FHIP1A: variants seen among roughly 807,000 people sequenced by gnomAD.
The protein encoded by FHIP1A is FHF complex subunit HOOK-interacting protein 1A.
FHIP1A carries 61 observed loss-of-function variants against 88.6 expected under a neutral mutation model. The observed-to-expected ratio is 0.69, with a 90% confidence interval of 0.56 to 0.85. FHIP1A has a LOEUF of 0.85. Ranked by LOEUF, FHIP1A falls within the 40% of genes least tolerant of loss-of-function variation. FHIP1A has a pLI of 0.00. For synonymous variants in FHIP1A, 478 were observed against 496.0 expected (o/e 0.96, Z 0.48); for missense variants, 1,154 against 1,273.5 (o/e 0.91, Z 1.43).
intron 3 of FHIP1A, among the ~76,000 whole-genome samples, chr4:151,513,385 C>T (rs920479121): frequency 3.9e-5 from 6 of 152,236 alleles, no homozygotes; most frequent in African/African-American, 1.4e-4. Context: ...TAGGAAGAAA[C>T]TGCATCAACT....
chr4:151,589,072 C>A, intron 7 of FHIP1A, 146 bp downstream of exon 7: 1 of 652,478 alleles, frequency 1.5e-6, no homozygotes, highest in South Asian at 1.9e-5. Flanking sequence ...ATATCAAACA[C>A]AGGTATTAAA....
chr4:151,431,848 A>G (rs1330409773), intron 1 of FHIP1A, among the ~76,000 whole-genome samples: 2 of 152,206 alleles, frequency 1.3e-5, no homozygotes, highest in Non-Finnish European at 2.9e-5. Flanking sequence ...TGTGAAGGAA[A>G]TTGGCTGCTT....
At chr4:151,597,790 C>T (rs1354329504) in intron 7 of FHIP1A, among the ~76,000 whole-genome samples, 1 of 152,184 alleles carries the variant, frequency 6.6e-6, no homozygotes, top group East Asian at 1.9e-4. Context: ...GCGGAGGGCT[C>T]TGTCCAGTTC....
At chr4:151,562,192 C>T (rs1281708687) in intron 3 of FHIP1A, among the ~76,000 whole-genome samples, 1 of 152,150 alleles carries the variant, frequency 6.6e-6, no homozygotes, top group African/African-American at 2.4e-5. Flanking sequence ...AACTCTTAGC[C>T]ATTACCCTTT....
At chr4:151,563,045 T>G (rs1468606098) in intron 3 of FHIP1A, among the ~76,000 whole-genome samples, 2 of 152,134 alleles carry the variant, frequency 1.3e-5, no homozygotes, top group Non-Finnish European at 2.9e-5. Flanking sequence ...TTTGGCCAGT[T>G]ATCCCTGTCT....
intron 3 of FHIP1A, 29 bp from the exon 4 acceptor site, chr4:151,566,109 A>G: frequency 1.9e-6 from 1 of 512,868 alleles, no homozygotes; most frequent in Non-Finnish European, 3.4e-6. Context: ...AACATAATAA[A>G]ATTCATTTTT....
chr4:151,413,453 T>C (rs11726171), intron 1 of FHIP1A, among the ~76,000 whole-genome samples: 18,878 of 152,174 alleles, frequency 0.12, 1,284 homozygotes, highest in African/African-American at 0.17. Flanking sequence ...TATTACTTTA[T>C]TTTACTTTAT....
In FHIP1A at chr4:151,629,777, C is replaced by T. The variant is rs1377482743; in HGVS notation, c.1054C>T (p.Leu352Phe). ...GCGTAGCATCTCCGAGCCAGCACTA[C>T]TTGAGATCTTCCTCCGTTTTATCCT... Reference protein sequence around the residue: ...FLRSISEPALLEIFLRFILLH... With the variant: ...FLRSISEPALFEIFLRFILLH... Residue 352 changes from leucine to phenylalanine, a missense_variant, in exon 8 of 14, where the codon CTT becomes TTT. Physicochemically the swap from Leu to Phe is conservative, Grantham distance 22. Transcript: ENST00000435205. 1.4e-5 allele frequency: 22 copies of T among 1,551,500 alleles called. No individual in the cohort carries two copies. In the East Asian group the frequency reaches 4.9e-4, roughly 34 times the overall value.
In FHIP1A at chr4:151,668,624, A is replaced by G. The variant is rs1220413230; in HGVS notation, c.*5870A>G. On this transcript the variant is annotated 3_prime_UTR_variant, in exon 14 of 14. Transcript: ENST00000435205. Reference sequence around the variant, plus strand: ...GCTCCTTTCTAGACCCAGATGACCCAGAACGCAGAAGCCTAGTAGTTGGTA... The same window carrying G: ...GCTCCTTTCTAGACCCAGATGACCCGGAACGCAGAAGCCTAGTAGTTGGTA... Among the ~76,000 whole-genome samples, 1 of 152,264 alleles carries G rather than the reference A, an allele frequency of 6.6e-6. No individual in the cohort carries two copies. Among genetic ancestry groups the G allele is most frequent in the African/African-American group, 2.4e-5 (1 of 41,476 alleles).
chr4:151,623,519 T>G (rs1735827310), intron 7 of FHIP1A, among the ~76,000 whole-genome samples: 1 of 126,714 alleles, frequency 7.9e-6, no homozygotes, highest in Non-Finnish European at 1.7e-5. Flanking sequence ...GACTTCCTGG[T>G]CCTTTTTTTT....
chr4:151,490,562 A>T (rs2071403899), intron 3 of FHIP1A, among the ~76,000 whole-genome samples: 1 of 152,216 alleles, frequency 6.6e-6, no homozygotes, highest in Non-Finnish European at 1.5e-5. Context: ...AATAAGAGGG[A>T]ACCAGAAAAG....
At chr4:151,457,168 T>A (rs1728996211) in intron 2 of FHIP1A, among the ~76,000 whole-genome samples, 1 of 152,204 alleles carries the variant, frequency 6.6e-6, no homozygotes, top group South Asian at 2.1e-4. Flanking sequence ...TCCCCATAAA[T>A]GATGTATGTT....
chr4:151,522,015 C>A (rs886572402), intron 3 of FHIP1A, among the ~76,000 whole-genome samples: 7 of 152,160 alleles, frequency 4.6e-5, no homozygotes, highest in Admixed American at 2.0e-4. Flanking sequence ...TGTGAGCTAC[C>A]ATGCCTGGCT....
chr4:151,449,872 C>T (rs1011273984), intron 1 of FHIP1A, among the ~76,000 whole-genome samples: 1 of 152,098 alleles, frequency 6.6e-6, no homozygotes, highest in African/African-American at 2.4e-5. Flanking sequence ...TGAAGGTTTA[C>T]AATGTATTTT....
intron 8 of FHIP1A, among the ~76,000 whole-genome samples, chr4:151,635,994 T>G (rs768090133): frequency 2.5e-4 from 38 of 152,112 alleles, no homozygotes; most frequent in Non-Finnish European, 5.0e-4. Flanking sequence ...AGTGTTATTC[T>G]GATTCCAAAA....
At chr4:151,529,893 G>A (rs1731809191) in intron 3 of FHIP1A, among the ~76,000 whole-genome samples, 1 of 152,120 alleles carries the variant, frequency 6.6e-6, no homozygotes, top group African/African-American at 2.4e-5. Context: ...TCAATTTTGA[G>A]TTTTTCAAAG....
chr4:151,555,086 A>G (rs539452992), intron 3 of FHIP1A, among the ~76,000 whole-genome samples: 2 of 152,254 alleles, frequency 1.3e-5, no homozygotes, highest in South Asian at 4.2e-4. Flanking sequence ...GAGAAATCAC[A>G]GGGGGCTCTG....
chr4:151,474,451 G>C (rs1375442050), intron 2 of FHIP1A, among the ~76,000 whole-genome samples: 1 of 152,168 alleles, frequency 6.6e-6, no homozygotes, highest in Non-Finnish European at 1.5e-5. Flanking sequence ...GTCAGAAATG[G>C]AGATTTGTGA....
rs756937247 is a variant in FHIP1A, at chr4:151,662,797, T to G, written c.*43T>G. 10 of 1,423,692 alleles carry G rather than the reference T, an allele frequency of 7.0e-6. No homozygotes were observed. The highest frequency in any genetic ancestry group is 9.3e-6 in the Non-Finnish European group (10 of 1,079,932). The allele number at this position is 1,423,692 out of a possible 1,614,324, so 88.2% of individuals were successfully genotyped here. A position where few individuals can be genotyped will look rare whatever the true frequency, so the allele number is the denominator to read the frequency against. On this transcript the variant is annotated 3_prime_UTR_variant, in exon 14 of 14. Coordinates refer to ENST00000435205, the MANE Select transcript of FHIP1A (RefSeq NM_001109977.3). ...AATAGAGGTTCTTGTTTTGTAAGGTTTTAGTGTCTTGACTGAATGTTAAAT... is the reference window on the plus strand; with the variant it reads ...AATAGAGGTTCTTGTTTTGTAAGGTGTTAGTGTCTTGACTGAATGTTAAAT...
Sources: allele counts gnomAD v4.1 joint callset (sites outside exome capture counted in the v4.1 genomes callset), GRCh38; gene constraint gnomAD v4.1.1; transcripts MANE v1.5; gene names NCBI Gene and HGNC (gene_info 2026-07-23, HGNC 2026-07-21).